MED14: variants seen among roughly 807,000 people sequenced by gnomAD.
MED14 encodes mediator of RNA polymerase II transcription subunit 14.
In MED14, 8 loss-of-function variants were observed where a neutral mutation model predicts 109.0. The observed-to-expected ratio is 0.07, with a 90% CI of 0.04 to 0.13. The LOEUF (loss-of-function observed/expected upper bound fraction) is 0.13. Ranked by LOEUF, MED14 falls within the 10% of genes least tolerant of loss-of-function variation. MED14 has a pLI of 1.00. For synonymous variants in MED14, 399 were observed against 408.7 expected, an observed-to-expected ratio of 0.98 and a Z score of 0.29; for missense variants, 711 against 1,142.4, an observed-to-expected ratio of 0.62 and a Z score of 5.44.
chrX:40,699,206 A>G lies in MED14; in HGVS notation c.1490+1959T>C, dbSNP rs190121643. 7.5e-3 allele frequency among the ~76,000 whole-genome samples: 837 copies of G among 112,324 alleles called. 5 individuals are homozygous for G. Among genetic ancestry groups the G allele is most frequent in the Non-Finnish European group, 9.7e-3 (518 of 53,217 alleles). On this transcript the variant is annotated intron_variant, in intron 12 of 30. Coordinates refer to ENST00000324817, the MANE Select transcript of MED14 (RefSeq NM_004229.4). ...ATTCTACTTTATATGAAATGACCAG[A>G]AAAGGCAAATAGAAAGTGGATTCAT...
intron 6 of MED14, 53 bp from the exon 7 acceptor site, chrX:40,712,346 G>A (rs1018233811): frequency 1.2e-6 from 1 of 819,629 alleles, no homozygotes; most frequent in Middle Eastern, 2.9e-4. Context: ...GTACAAGTGT[G>A]TCACTATACC....
intron 13 of MED14, 102 bp from the exon 14 acceptor site, chrX:40,693,004 G>T: frequency 4.0e-6 from 2 of 498,554 alleles, no homozygotes; most frequent in Non-Finnish European, 5.7e-6. Context: ...ATCTAATGTA[G>T]ATGTCTTAAA....
intron 3 of MED14, among the ~76,000 whole-genome samples, chrX:40,725,487 C>G (rs1931862901): frequency 8.9e-6 from 1 of 112,008 alleles, no homozygotes; most frequent in African/African-American, 3.2e-5. Flanking sequence ...TCATCATGAC[C>G]AAGTGGGATT....
chrX:40,659,865 T>C lies in MED14; in HGVS notation c.3685-258A>G. 3 of 255,750 alleles carry C rather than the reference T, an allele frequency of 1.2e-5. No individual in the cohort carries two copies. In the Admixed American group the frequency reaches 2.0e-4, roughly 17 times the overall value. 21.1% of individuals were successfully genotyped at this position (255,750 alleles called of 1,213,427 possible). A position where few individuals can be genotyped will look rare whatever the true frequency, so the allele number is the denominator to read the frequency against. On this transcript the variant is annotated intron_variant, in intron 26 of 30. Transcript: ENST00000324817. ...ATAAAAAAACTTGAGCCTGAATTCATGCAGTAGTTTGATCCAGAGGACTGA... is the reference window on the plus strand; with the variant it reads ...ATAAAAAAACTTGAGCCTGAATTCACGCAGTAGTTTGATCCAGAGGACTGA...
intron 16 of MED14, among the ~76,000 whole-genome samples, chrX:40,683,826 C>T (rs922818280): frequency 4.5e-5 from 5 of 112,110 alleles, no homozygotes; most frequent in Admixed American, 1.9e-4. Flanking sequence ...ATTTAACATA[C>T]ATATTGTCAC....
At chrX:40,669,736 C>T (rs924703982) in intron 23 of MED14, among the ~76,000 whole-genome samples, 1 of 111,863 alleles carries the variant, frequency 8.9e-6, no homozygotes, top group Non-Finnish European at 1.9e-5. Context: ...TTGGAAGAGT[C>T]TACCATCTTC....
In MED14 at chrX:40,692,194, G is replaced by A. The variant is rs879253251; in HGVS notation, c.1969C>T (p.Leu657Phe). ...MCDTNMPFVG[L>F]RLELSNLEIP... ...TCCAAAAAACTTACCTCCAACCGAA[G>A]TCCTACAAATGGCATATTTGTATCA... is the stretch of plus-strand genomic sequence containing the variant. The change falls in exon 15 of 31, where the codon CTT (leucine) becomes TTT (phenylalanine). Residue 657 changes from leucine (L) to phenylalanine (F), a missense_variant. Leu to Phe is a conservative substitution (Grantham distance 22). This residue lies in a region of MED14 where 388 missense variants were observed against 517.3 expected (regional missense o/e 0.75). Coordinates refer to ENST00000324817, the MANE Select transcript of MED14 (RefSeq NM_004229.4). The A allele has an allele frequency of 4.1e-6, 5 of 1,209,378 alleles. No homozygotes were observed. The South Asian group carries it at 8.9e-5, about 21-fold the overall frequency.
Position 40,716,206 on chromosome X carries a change from G to T in MED14, c.349-1496C>A, listed in dbSNP as rs555442022. Among the ~76,000 whole-genome samples the T allele has an allele frequency of 3.6e-5, 4 of 111,573 alleles. No individual in the cohort carries two copies. The South Asian group carries it at 1.5e-3, about 42-fold the overall frequency. The stretch of plus-strand genomic sequence containing the variant: ...AAGACAAAAAATAACAGATGCTTGT[G>T]AGGATGTGGAAGAAGGGGAACCCTC... On this transcript the variant is annotated intron_variant, in intron 3 of 30. Transcript: ENST00000324817.
At chrX:40,718,873 T>C (rs1931627395) in intron 3 of MED14, among the ~76,000 whole-genome samples, 1 of 111,360 alleles carries the variant, frequency 9.0e-6, no homozygotes, top group East Asian at 2.8e-4. Flanking sequence ...AACTTGAGTT[T>C]TGAGTAACTG....
chrX:40,672,864 A>G (rs1929778061), intron 22 of MED14, among the ~76,000 whole-genome samples: 1 of 111,819 alleles, frequency 8.9e-6, no homozygotes, highest in Admixed American at 9.5e-5. Context: ...GTTTTATCCA[A>G]TAATGCAGAA....
chrX:40,671,873 T>C lies in MED14; in HGVS notation c.3121A>G (p.Thr1041Ala). Residue 1041 changes from threonine (T) to alanine (A), a missense_variant, in exon 23 of 31, where the codon ACA (threonine) becomes GCA (alanine). By Grantham distance (58) the Thr-to-Ala change is moderately conservative. Coordinates refer to ENST00000324817, the MANE Select transcript of MED14 (RefSeq NM_004229.4). ...TVNQSPSMMH[T>A]QSPGNLHAAS... Reference sequence around the variant, plus strand: ...AGTAATATCTTACCTGGAGACTGTGTGTGCATCATTGAGGGAGACTGATTG... The same window carrying C: ...AGTAATATCTTACCTGGAGACTGTGCGTGCATCATTGAGGGAGACTGATTG... 1 of 1,183,866 alleles carries C rather than the reference T, an allele frequency of 8.4e-7. No homozygotes were observed. The highest frequency in any genetic ancestry group is 1.9e-5 in the South Asian group (1 of 53,992).
chrX:40,701,430 C>T (rs1930932256), intron 11 of MED14, among the ~76,000 whole-genome samples, 187 bp from the exon 12 acceptor site: 1 of 111,982 alleles, frequency 8.9e-6, no homozygotes, highest in Admixed American at 9.5e-5. Flanking sequence ...TGTTTTCCCT[C>T]TTTAACTTTT....
chrX:40,706,904 C>A (rs1208281430), intron 10 of MED14, among the ~76,000 whole-genome samples: 1 of 111,918 alleles, frequency 8.9e-6, no homozygotes, highest in Non-Finnish European at 1.9e-5. Context: ...TTTCTGGAAT[C>A]TCAACAAACG....
chrX:40,667,952 C>G (rs113002830), intron 23 of MED14, among the ~76,000 whole-genome samples: 2,449 of 111,513 alleles, frequency 0.022, 62 homozygotes, highest in African/African-American at 0.075. Context: ...AAGGGCCTGC[C>G]ATTTACTGAG....
At chrX:40,684,951 G>T (rs928295760) in intron 16 of MED14, among the ~76,000 whole-genome samples, 3 of 111,645 alleles carry the variant, frequency 2.7e-5, no homozygotes, top group Non-Finnish European at 3.8e-5. Flanking sequence ...GAATGGAACA[G>T]AATGAATAAA....
At chrX:40,689,974 C>A (rs1332176430) in intron 15 of MED14, among the ~76,000 whole-genome samples, 1 of 111,779 alleles carries the variant, frequency 8.9e-6, no homozygotes, top group Non-Finnish European at 1.9e-5. Context: ...CCTACGTAGG[C>A]CTACAAAGAC....
chrX:40,715,320 G>C (rs1422878266), intron 3 of MED14, among the ~76,000 whole-genome samples: 1 of 111,612 alleles, frequency 9.0e-6, no homozygotes, highest in East Asian at 2.8e-4. Context: ...GGAAAGGACA[G>C]TTTCTTTAAT....
chrX:40,660,473 T>C (rs1929223852), intron 26 of MED14, among the ~76,000 whole-genome samples: 1 of 112,200 alleles, frequency 8.9e-6, no homozygotes. Flanking sequence ...ATAGAAAAAG[T>C]TGCAGGTTTT....
intron 23 of MED14, among the ~76,000 whole-genome samples, chrX:40,668,841 C>T (rs1275539425): frequency 2.7e-5 from 3 of 112,151 alleles, no homozygotes; most frequent in African/African-American, 9.7e-5. Flanking sequence ...TATGGTATCT[C>T]TCTGTCTCTA....
Sources: allele counts gnomAD v4.1 joint callset (sites outside exome capture counted in the v4.1 genomes callset), GRCh38; gene constraint gnomAD v4.1.1; regional missense constraint gnomAD v4.1.1; transcripts MANE v1.5; gene names NCBI Gene and HGNC (gene_info 2026-07-23, HGNC 2026-07-21).